Variants in DLGAP2 observed in about 807,000 individuals in gnomAD.
DLGAP2 encodes the protein disks large-associated protein 2.
DLGAP2 carries 26 observed loss-of-function variants against 100.3 expected under a neutral mutation model. The observed-to-expected ratio is 0.26, with a 90% CI of 0.19 to 0.36. The LOEUF (loss-of-function observed/expected upper bound fraction) is 0.36. Among genes scored for constraint, DLGAP2 ranks in the 10% least tolerant of loss-of-function variants. The probability of loss-of-function intolerance (pLI) is 1.00; values close to 1 mark genes in which losing one functional copy is unlikely to be tolerated. For synonymous variants in DLGAP2, 886 were observed against 630.1 expected (o/e 1.41, Z -6.08); for missense variants, 1,858 against 1,453.2 (o/e 1.28, Z -4.53).
At chr8:1,529,774 G>A (rs370972588) in intron 4 of DLGAP2, among the ~76,000 whole-genome samples, 1 of 152,158 alleles carries the variant, frequency 6.6e-6, no homozygotes, top group Non-Finnish European at 1.5e-5. Flanking sequence ...TTAAGCGTTG[G>A]CCAGCTTGAG....
At chr8:1,444,100 C>G (rs1340090273) in intron 3 of DLGAP2, among the ~76,000 whole-genome samples, 4 of 152,004 alleles carry the variant, frequency 2.6e-5, no homozygotes, top group African/African-American at 7.3e-5. Flanking sequence ...ACCTTAAGCT[C>G]CAGTGCTTTT....
rs974231496 is a variant in DLGAP2, at chr8:1,152,421, G to A, written c.74-106430G>A. Among the ~76,000 whole-genome samples, 3 of 152,340 alleles carry A rather than the reference G, an allele frequency of 2.0e-5. 1 individual carries two copies. In the East Asian group the frequency reaches 5.8e-4, roughly 29 times the overall value. On this transcript the variant is annotated intron_variant, in intron 2 of 14. Transcript: ENST00000637795. ...GCAATGACACTAAGTATTTAAACGG[G>A]ATGAAATAGAGTCTCTGGAGCTATG...
At chr8:1,068,434 T>G (rs1803323397) in intron 2 of DLGAP2, among the ~76,000 whole-genome samples, 1 of 152,218 alleles carries the variant, frequency 6.6e-6, no homozygotes, top group Admixed American at 6.5e-5. Flanking sequence ...AGAGTTCCTG[T>G]TCATCCACGT....
rs58495545 is a variant in DLGAP2, at chr8:1,198,632, G to T, written c.74-60219G>T. 7.7e-3 allele frequency among the ~76,000 whole-genome samples: 1,169 copies of T among 152,288 alleles called. 17 individuals carry two copies. The highest frequency in any genetic ancestry group is 0.027 in the African/African-American group (1,109 of 41,564). ...TCTGCAGACTGGCAGACCCCAAAAG[G>T]CAAGGGGAGAAAGGCCGAGCCGCTC... On this transcript the variant is annotated intron_variant, in intron 2 of 14. Coordinates refer to ENST00000637795, the MANE Select transcript of DLGAP2 (RefSeq NM_001346810.2).
chr8:1,063,889 A>C (rs1318579861), intron 2 of DLGAP2, among the ~76,000 whole-genome samples: 1 of 152,198 alleles, frequency 6.6e-6, no homozygotes, highest in Non-Finnish European at 1.5e-5. Context: ...AAGCAGAGCA[A>C]GTCAGTGGGA....
chr8:984,498 C>T (rs1479606563), intron 2 of DLGAP2, among the ~76,000 whole-genome samples: 4 of 152,170 alleles, frequency 2.6e-5, no homozygotes, highest in Admixed American at 1.3e-4. Flanking sequence ...TGGGGATGGT[C>T]AGCTTGGCCC....
At position 965,498 on chromosome 8, in the gene DLGAP2, A is replaced by G. The variant is rs1420003878; in HGVS notation, c.73+57532A>G. Among the ~76,000 whole-genome samples, 59 of 114,366 alleles carry G rather than the reference A, an allele frequency of 5.2e-4. 2 individuals are homozygous for G. The highest frequency in any genetic ancestry group is 2.2e-3 in the African/African-American group (59 of 26,520). 75.0% of individuals were successfully genotyped at this position (114,366 alleles called of 152,430 possible). A position where few individuals can be genotyped will look rare whatever the true frequency, so the allele number is the denominator to read the frequency against. On this transcript the variant is annotated intron_variant, in intron 2 of 14. Coordinates refer to ENST00000637795, the MANE Select transcript of DLGAP2 (RefSeq NM_001346810.2). ...CTGCACACGGCACTGTTCACCACAC[A>G]GGGCTCCTGAGTCTGACCCCTGCGC...
intron 2 of DLGAP2, among the ~76,000 whole-genome samples, chr8:918,591 T>G (rs1035761652): frequency 7.9e-5 from 12 of 152,304 alleles, no homozygotes; most frequent in Admixed American, 7.8e-4. Context: ...GTCTTCTGTG[T>G]TGTTGTCTTT....
chr8:1,621,665 C>T (rs1162851624), intron 6 of DLGAP2: 2 of 152,322 alleles, frequency 1.3e-5, no homozygotes, highest in Non-Finnish European at 2.9e-5. Flanking sequence ...GGTCACATCT[C>T]GGAGGCACCG....
At chr8:1,258,759 G>A in intron 2 of DLGAP2, 92 bp from the exon 3 acceptor site, 2 of 1,109,512 alleles carry the variant, frequency 1.8e-6, no homozygotes, top group Non-Finnish European at 1.1e-6. Flanking sequence ...TCATCTTAAA[G>A]TTGTAGTTTT....
At chr8:1,171,928 G>T (rs2116678792) in intron 2 of DLGAP2, among the ~76,000 whole-genome samples, 1 of 152,230 alleles carries the variant, frequency 6.6e-6, no homozygotes, top group East Asian at 1.9e-4. Context: ...CTGTCATTAT[G>T]ATGTTAGCTG....
intron 2 of DLGAP2, among the ~76,000 whole-genome samples, chr8:1,182,549 C>T (rs1797412683): frequency 6.6e-6 from 1 of 152,190 alleles, no homozygotes; most frequent in Non-Finnish European, 1.5e-5. Context: ...ATGTGAGATG[C>T]TGGGTGGCTG....
At chr8:966,512 C>T (rs1002863578) in intron 2 of DLGAP2, among the ~76,000 whole-genome samples, 1 of 152,186 alleles carries the variant, frequency 6.6e-6, no homozygotes, top group African/African-American at 2.4e-5. Context: ...TTTGAGAATG[C>T]TTTCATATCT....
At chr8:1,683,390 G>T (rs1799009354) in intron 12 of DLGAP2, among the ~76,000 whole-genome samples, 1 of 151,470 alleles carries the variant, frequency 6.6e-6, no homozygotes, top group African/African-American at 2.4e-5. Flanking sequence ...AGATCTTCAT[G>T]TCAGCACTGC....
Position 1,605,659 on chromosome 8 carries a change from T to G in DLGAP2, c.1443-21081T>G, listed in dbSNP as rs369795281. 4.0e-4 allele frequency among the ~76,000 whole-genome samples: 61 copies of G among 152,306 alleles called. 1 individual carries two copies. The highest frequency in any genetic ancestry group is 3.3e-3 in the South Asian group (16 of 4,820). On this transcript the variant is annotated intron_variant, in intron 6 of 14. Transcript: ENST00000637795. ...CAGCAAATCTGTGATCCCGCTGATGTTACCTTCCCTGTTATAAGGAAGAAA... is the reference window on the plus strand; with the variant it reads ...CAGCAAATCTGTGATCCCGCTGATGGTACCTTCCCTGTTATAAGGAAGAAA...
At chr8:1,332,876 T>C (rs954168210) in intron 3 of DLGAP2, among the ~76,000 whole-genome samples, 2 of 152,080 alleles carry the variant, frequency 1.3e-5, no homozygotes, top group African/African-American at 4.8e-5. Context: ...CAGACACGTG[T>C]GTTGAAAGCT....
intron 1 of DLGAP2, among the ~76,000 whole-genome samples, chr8:864,347 G>T (rs760111819): frequency 1.3e-5 from 2 of 152,124 alleles, no homozygotes; most frequent in East Asian, 3.9e-4. Flanking sequence ...TGTTCTCAAC[G>T]TAAAGAAACG....
At chr8:1,487,986 C>A (rs1365618142) in intron 3 of DLGAP2, among the ~76,000 whole-genome samples, 1 of 152,080 alleles carries the variant, frequency 6.6e-6, no homozygotes, top group Admixed American at 6.6e-5. Flanking sequence ...CTGTGGAAAT[C>A]ATTGTTGAAA....
intron 3 of DLGAP2, among the ~76,000 whole-genome samples, chr8:1,475,783 A>T (rs891205088): frequency 6.6e-6 from 1 of 152,194 alleles, no homozygotes; most frequent in Non-Finnish European, 1.5e-5. Flanking sequence ...CCAACTATTC[A>T]ATAATGCTTC....
Sources: gnomAD v4.1 joint callset for allele counts (sites outside exome capture counted in the v4.1 genomes callset) on GRCh38, gnomAD v4.1.1 for gene constraint, MANE v1.5 for transcripts, NCBI Gene and HGNC (gene_info 2026-07-23, HGNC 2026-07-21) for gene names.